NCOA1: variants seen among roughly 807,000 people sequenced by gnomAD.
NCOA1 encodes the protein nuclear receptor coactivator 1.
A neutral mutation model predicts 150.9 loss-of-function variants in NCOA1; 35 were observed. The observed-to-expected ratio is 0.23, with a 90% CI of 0.18 to 0.31. The LOEUF (loss-of-function observed/expected upper bound fraction) is 0.31, where lower values mean the gene tolerates loss of function less well. Ranked by LOEUF, NCOA1 falls within the 10% of genes least tolerant of loss-of-function variation. The pLI, the probability that NCOA1 is intolerant of heterozygous loss-of-function variation, is 1.00. For synonymous variants in NCOA1, 590 were observed against 630.0 expected, an observed-to-expected ratio of 0.94 and a Z score of 0.95; for missense variants, 1,491 against 1,749.3, an observed-to-expected ratio of 0.85 and a Z score of 2.63.
At chr2:24,539,856 CT>C (rs2148190851) in intron 1 of NCOA1, among the ~76,000 whole-genome samples, 1 of 152,334 alleles carries the variant, frequency 6.6e-6, no homozygotes, top group South Asian at 2.1e-4. Flanking sequence ...ATTAGCATTA[CT>C]GCAACATGAG....
intron 1 of NCOA1, among the ~76,000 whole-genome samples, chr2:24,509,918 T>G (rs1457461328): frequency 6.6e-6 from 1 of 152,252 alleles, no homozygotes; most frequent in Non-Finnish European, 1.5e-5. Flanking sequence ...ACCTCTTTAT[T>G]TGTCTGAACT....
At chr2:24,631,803 C>G (rs1248603978) in intron 3 of NCOA1, among the ~76,000 whole-genome samples, 1 of 152,170 alleles carries the variant, frequency 6.6e-6, no homozygotes, top group African/African-American at 2.4e-5. Context: ...TTCCAATGAA[C>G]TGTTGCATAG....
At chr2:24,531,084 G>C (rs1003047136) in intron 1 of NCOA1, among the ~76,000 whole-genome samples, 2 of 152,170 alleles carry the variant, frequency 1.3e-5, no homozygotes, top group Non-Finnish European at 2.9e-5. Context: ...AAATGCAAGA[G>C]ATAATAAGTG....
At chr2:24,524,056 T>A (rs1664552649) in intron 1 of NCOA1, among the ~76,000 whole-genome samples, 1 of 151,970 alleles carries the variant, frequency 6.6e-6, no homozygotes, top group Non-Finnish European at 1.5e-5. Context: ...GAGCTTGAAC[T>A]TTATGACAAA....
intron 1 of NCOA1, among the ~76,000 whole-genome samples, chr2:24,505,683 C>G (rs1169065926): frequency 5.3e-5 from 8 of 152,068 alleles, no homozygotes; most frequent in African/African-American, 1.9e-4. Context: ...TCATAGCATC[C>G]TTCCCTTTGG....
At chr2:24,672,707 T>C (rs1300666943) in intron 6 of NCOA1, among the ~76,000 whole-genome samples, 1 of 152,184 alleles carries the variant, frequency 6.6e-6, no homozygotes, top group Admixed American at 6.5e-5. Context: ...CGGAAATACT[T>C]CCTGTTTTAA....
intron 1 of NCOA1, among the ~76,000 whole-genome samples, chr2:24,537,882 A>G (rs894725480): frequency 6.6e-6 from 1 of 152,136 alleles, no homozygotes; most frequent in African/African-American, 2.4e-5. Flanking sequence ...GAAAACTAAC[A>G]TAGTGGAAAT....
chr2:24,567,228 C>T (rs147939160), intron 2 of NCOA1, among the ~76,000 whole-genome samples: 16 of 152,302 alleles, frequency 1.1e-4, no homozygotes, highest in African/African-American at 3.1e-4. Context: ...AGTTTTAAAA[C>T]GTCCCTGGCA....
intron 3 of NCOA1, among the ~76,000 whole-genome samples, chr2:24,635,600 A>C (rs1229847210): frequency 6.6e-6 from 1 of 152,210 alleles, no homozygotes; most frequent in Non-Finnish European, 1.5e-5. Flanking sequence ...GAAGTCAAAT[A>C]ATAAGAGAGA....
intron 4 of NCOA1, among the ~76,000 whole-genome samples, chr2:24,653,672 T>C (rs897238627): frequency 1.3e-5 from 2 of 152,164 alleles, no homozygotes; most frequent in African/African-American, 4.8e-5. Context: ...TAATTGTAAC[T>C]TATAGCACAT....
intron 16 of NCOA1, 97 bp from the exon 17 acceptor site, chr2:24,729,404 C>T: frequency 8.3e-7 from 1 of 1,209,768 alleles, no homozygotes; most frequent in Non-Finnish European, 1.2e-6. Flanking sequence ...AGCATGAATT[C>T]AGAATGAATA....
At chr2:24,625,612 A>G (rs990659562) in intron 3 of NCOA1, among the ~76,000 whole-genome samples, 5 of 152,056 alleles carry the variant, frequency 3.3e-5, no homozygotes, top group Non-Finnish European at 7.4e-5. Context: ...TATTTCCCCC[A>G]AAGGAGACAT....
chr2:24,707,341 G>A lies in NCOA1; in HGVS notation c.1871G>A (p.Ser624Asn). Residue 624 changes from serine to asparagine, a missense_variant, in exon 13 of 23, where the codon AGT becomes AAT. By Grantham distance (46) the Ser-to-Asn change is conservative. Coordinates refer to ENST00000348332, the MANE Select transcript of NCOA1 (RefSeq NM_003743.5). ...AATGACAGACTTTCAGATGGAGACAGTAAATACTCTCAAACCAGTCACAAA... is the reference window on the plus strand; with the variant it reads ...AATGACAGACTTTCAGATGGAGACAATAAATACTCTCAAACCAGTCACAAA... Reference protein sequence around the residue: ...HNNDRLSDGDSKYSQTSHKLV... With the variant: ...HNNDRLSDGDNKYSQTSHKLV... The A allele has an allele frequency of 6.2e-7, 1 of 1,614,234 alleles. No individual in the cohort carries two copies. Among genetic ancestry groups the A allele is most frequent in the Non-Finnish European group, 8.5e-7 (1 of 1,180,044 alleles).
rs1024500419 is a variant in NCOA1, at chr2:24,717,624, CAT to C, written c.2599+6514_2599+6515del. On this transcript the variant is annotated intron_variant, in intron 14 of 22. Coordinates refer to ENST00000348332, the MANE Select transcript of NCOA1 (RefSeq NM_003743.5). Reference sequence around the variant, plus strand: ...CATATACACATATATATATATAAATCATGTGTATGCAATGACATGTATCTATC... The same window carrying C: ...CATATACACATATATATATATAAATCGTGTATGCAATGACATGTATCTATC... Among the ~76,000 whole-genome samples the C allele has an allele frequency of 9.7e-4, 147 of 152,162 alleles. 1 individual carries two copies. Among genetic ancestry groups the C allele is most frequent in the African/African-American group, 3.4e-3 (140 of 41,484 alleles).
At chr2:24,659,520 T>C (rs1671087973) in intron 5 of NCOA1, among the ~76,000 whole-genome samples, 1 of 152,158 alleles carries the variant, frequency 6.6e-6, no homozygotes, top group Non-Finnish European at 1.5e-5. Context: ...TTCAGTCCTA[T>C]TAACTTTTGA....
At chr2:24,734,287 A>G (rs1199857798) in intron 17 of NCOA1, among the ~76,000 whole-genome samples, 1 of 152,188 alleles carries the variant, frequency 6.6e-6, no homozygotes, top group Non-Finnish European at 1.5e-5. Flanking sequence ...TACTCATGAA[A>G]GAAATTATGT....
chr2:24,689,944 T>G (rs1672586018), intron 8 of NCOA1, among the ~76,000 whole-genome samples: 1 of 152,180 alleles, frequency 6.6e-6, no homozygotes, highest in Non-Finnish European at 1.5e-5. Flanking sequence ...TATAAAAATG[T>G]TATTCATAGC....
At chr2:24,519,228 A>G (rs1014393433) in intron 1 of NCOA1, among the ~76,000 whole-genome samples, 4 of 152,218 alleles carry the variant, frequency 2.6e-5, no homozygotes, top group African/African-American at 9.6e-5. Flanking sequence ...TTCAATCATA[A>G]AAAGGAATGA....
At chr2:24,602,506 A>G (rs1423508905) in intron 3 of NCOA1, among the ~76,000 whole-genome samples, 1 of 152,204 alleles carries the variant, frequency 6.6e-6, no homozygotes, top group Non-Finnish European at 1.5e-5. Flanking sequence ...TGGCAACAGT[A>G]AGGTTTTAAA....
Sources: allele counts gnomAD v4.1 joint callset (sites outside exome capture counted in the v4.1 genomes callset), GRCh38; gene constraint gnomAD v4.1.1; transcripts MANE v1.5; gene names NCBI Gene and HGNC (gene_info 2026-07-23, HGNC 2026-07-21).